Variants in LGSN observed in about 807,000 individuals in gnomAD.
The protein encoded by LGSN is lengsin, lens protein with glutamine synthetase domain.
A neutral mutation model predicts 19.5 loss-of-function variants in LGSN; 21 were observed. That is an observed-to-expected ratio of 1.07 (90% CI 0.76 to 1.55). LGSN has a LOEUF of 1.55. Ranked by LOEUF, LGSN falls within the 40% of genes most tolerant of loss-of-function variation. The pLI is 0.00. For synonymous variants in LGSN, 257 were observed against 215.6 expected, an observed-to-expected ratio of 1.19 and a Z score of -1.68; for missense variants, 673 against 608.5, an observed-to-expected ratio of 1.11 and a Z score of -1.12.
At chr6:63,442,624 A>G in the LGSN span, among the ~76,000 whole-genome samples, 90,393 of 151,360 alleles carry the variant, frequency 0.6, 27,239 homozygotes, top group African/African-American at 0.65. Context: ...GCTGACTGGT[A>G]CGTTTACAAA....
At chr6:63,488,164 C>T in the LGSN span, among the ~76,000 whole-genome samples, 2 of 152,048 alleles carry the variant, frequency 1.3e-5, no homozygotes, top group African/African-American at 4.8e-5. Flanking sequence ...CAAGCAGAGA[C>T]TAATTTCTCC....
At chr6:63,418,807 G>T in the LGSN span, among the ~76,000 whole-genome samples, 4 of 152,088 alleles carry the variant, frequency 2.6e-5, no homozygotes, top group African/African-American at 9.7e-5. Context: ...CAGGAAAGGG[G>T]CAGCCTAGCA....
the LGSN span, chr6:63,395,295 T>C: frequency 6.6e-6 from 1 of 152,346 alleles, no homozygotes; most frequent in African/African-American, 2.4e-5. Context: ...TGTTTTGAGC[T>C]GTTGGAGGCA....
At chr6:63,412,416 A>AAAGAAAGAG in the LGSN span, among the ~76,000 whole-genome samples, 1,918 of 97,354 alleles carry the variant, frequency 0.02, 105 homozygotes, top group African/African-American at 0.088. Flanking sequence ...AGAAAGAAAG[A>AAAGAAAGAG]AGAAAGAAAG....
the LGSN span, among the ~76,000 whole-genome samples, chr6:63,547,591 C>T: frequency 5.4e-5 from 8 of 148,750 alleles, no homozygotes; most frequent in South Asian, 2.1e-4. Context: ...CTGCGAGCTC[C>T]GCCTCCCGGG....
the LGSN span, among the ~76,000 whole-genome samples, chr6:63,486,111 C>T: frequency 3.9e-5 from 6 of 152,104 alleles, no homozygotes; most frequent in Admixed American, 1.3e-4. Context: ...GGAAATGCTC[C>T]TTAAGATAGC....
chr6:63,352,206 A>G, the LGSN span, among the ~76,000 whole-genome samples: 2 of 152,226 alleles, frequency 1.3e-5, no homozygotes, highest in African/African-American at 4.8e-5. Flanking sequence ...TATAACATCA[A>G]AACAAAACTT....
At chr6:63,562,825 ATTTAT>A in the LGSN span, among the ~76,000 whole-genome samples, 1 of 152,186 alleles carries the variant, frequency 6.6e-6, no homozygotes, top group Admixed American at 6.5e-5. Flanking sequence ...GAGTGCCTTT[ATTTAT>A]TTTAAGTTTC....
chr6:63,565,146 A>G, the LGSN span, among the ~76,000 whole-genome samples: 1 of 152,036 alleles, frequency 6.6e-6, no homozygotes, highest in Non-Finnish European at 1.5e-5. Flanking sequence ...CGAGGGAGCT[A>G]CAACTACAGG....
upstream of LGSN, among the ~76,000 whole-genome samples, chr6:63,324,506 T>C (rs1220554966): frequency 1.3e-5 from 2 of 152,186 alleles, no homozygotes; most frequent in African/African-American, 2.4e-5. Context: ...GGACAGACTA[T>C]ATGTTAGGAC....
chr6:63,318,434 T>C (rs1321974787), intron 1 of LGSN, among the ~76,000 whole-genome samples: 2 of 152,190 alleles, frequency 1.3e-5, no homozygotes, highest in Non-Finnish European at 2.9e-5. Context: ...TCCTTCCATA[T>C]TCTTTCACTT....
the LGSN span, among the ~76,000 whole-genome samples, chr6:63,393,710 T>A: frequency 2.0e-5 from 3 of 152,150 alleles, no homozygotes; most frequent in Non-Finnish European, 4.4e-5. Flanking sequence ...TTCTCAGAAG[T>A]CCCCTCTCTC....
chr6:63,531,188 G>T, the LGSN span, among the ~76,000 whole-genome samples: 2 of 152,118 alleles, frequency 1.3e-5, no homozygotes, highest in East Asian at 3.9e-4. Flanking sequence ...AGCAATGAGG[G>T]CTACCTGCTT....
the LGSN span, among the ~76,000 whole-genome samples, chr6:63,437,404 T>C: frequency 6.6e-6 from 1 of 152,258 alleles, no homozygotes; most frequent in African/African-American, 2.4e-5. Flanking sequence ...TCTTTCTTTC[T>C]GGTTTTATTG....
At chr6:63,451,055 T>G in the LGSN span, among the ~76,000 whole-genome samples, 89 of 152,118 alleles carry the variant, frequency 5.9e-4, no homozygotes, top group Non-Finnish European at 1.0e-3. Context: ...TTAAATGTTT[T>G]CATTGATTAA....
chr6:63,299,072 CAT>C (rs1461760248), intron 1 of LGSN, among the ~76,000 whole-genome samples: 1 of 152,160 alleles, frequency 6.6e-6, no homozygotes, highest in African/African-American at 2.4e-5. Flanking sequence ...CGAGTCCACA[CAT>C]AGAGAATTAT....
chr6:63,496,357 T>A, the LGSN span, among the ~76,000 whole-genome samples: 2 of 152,232 alleles, frequency 1.3e-5, no homozygotes, highest in African/African-American at 2.4e-5. Context: ...GAGTTTGCCA[T>A]AGCCACTAGG....
At chr6:63,531,974 T>G in the LGSN span, among the ~76,000 whole-genome samples, 1 of 152,136 alleles carries the variant, frequency 6.6e-6, no homozygotes, top group Non-Finnish European at 1.5e-5. Flanking sequence ...TTAATTTTTG[T>G]ATTTTTAGTA....
At chr6:63,491,835 A>C in the LGSN span, among the ~76,000 whole-genome samples, 3 of 152,138 alleles carry the variant, frequency 2.0e-5, no homozygotes, top group African/African-American at 7.2e-5. Context: ...GTTCAAGACC[A>C]GCCTGGCCAT....
Sources: allele counts gnomAD v4.1 joint callset (sites outside exome capture counted in the v4.1 genomes callset), GRCh38; gene constraint gnomAD v4.1.1; transcripts MANE v1.5; gene names NCBI Gene and HGNC (gene_info 2026-07-23, HGNC 2026-07-21).